The following ARHGEF18 variants were observed in gnomAD, a reference collection of about 807,000 sequenced individuals.
ARHGEF18 encodes Rho/Rac guanine nucleotide exchange factor 18.
Under a neutral mutation model 155.7 loss-of-function variants are expected in ARHGEF18, and 93 were observed. The ratio of observed to expected loss-of-function variants is 0.60; its 90% CI spans 0.50 to 0.71. The LOEUF is 0.71. ARHGEF18 is among the 30% of genes least tolerant of loss of function. ARHGEF18 has a pLI of 0.00. For missense variants in ARHGEF18, 1,593 were observed against 1,816.1 expected (o/e 0.88, Z 2.23); for synonymous variants, 742 against 753.1 (o/e 0.99, Z 0.24).
intron 2 of ARHGEF18, among the ~76,000 whole-genome samples, chr19:7,371,113 T>G (rs978530298): frequency 6.6e-6 from 1 of 152,090 alleles, no homozygotes; most frequent in Non-Finnish European, 1.5e-5. Flanking sequence ...GGTCTTGTTA[T>G]GTTGTCCAGG....
chr19:7,386,417 G>A (rs1971078105), intron 10 of ARHGEF18, among the ~76,000 whole-genome samples: 2 of 151,814 alleles, frequency 1.3e-5, no homozygotes, highest in African/African-American at 4.8e-5. Context: ...AGCGCCTCTA[G>A]CTATGATGAC....
chr19:7,350,768 GTGTGTGT>G, intron 1 of ARHGEF18, among the ~76,000 whole-genome samples: 1 of 2,952 alleles, frequency 3.4e-4, no homozygotes, highest in Non-Finnish European at 7.2e-4. Flanking sequence ...TTTGGGGTGG[GTGTGTGT>G]GTGTGTGTGT....
intron 17 of ARHGEF18, among the ~76,000 whole-genome samples, chr19:7,454,871 G>T (rs556152275): frequency 4.8e-4 from 73 of 152,166 alleles, no homozygotes; most frequent in Non-Finnish European, 8.4e-4. Context: ...CCTGCCATGG[G>T]CCCAGCCACT....
Position 7,394,960 on chromosome 19 carries a change from G to T in ARHGEF18, c.967+11757G>T, listed in dbSNP as rs971466791. Reference sequence around the variant, plus strand: ...AGCACCCTCCCACTTCGGTGCCCGCGCCCCTCTCAAGGCCGAGCCGACGCC... The same window carrying T: ...AGCACCCTCCCACTTCGGTGCCCGCTCCCCTCTCAAGGCCGAGCCGACGCC... On this transcript the variant is annotated intron_variant, in intron 10 of 28. Coordinates refer to ENST00000668164, the MANE Select transcript of ARHGEF18 (RefSeq NM_001367823.1). The T allele has an allele frequency of 5.2e-6, 4 of 769,012 alleles. No homozygotes were observed. In the African/African-American group the frequency reaches 7.6e-5, roughly 15 times the overall value. 47.6% of individuals were successfully genotyped at this position (769,012 alleles called of 1,614,324 possible).
At position 7,362,179 on chromosome 19, in the gene ARHGEF18, A is replaced by AAGG. The variant is rs1491450687; in HGVS notation, c.-110-600_-110-599insGAG. Among the ~76,000 whole-genome samples, 9 of 116,386 alleles carry AAGG rather than the reference A, an allele frequency of 7.7e-5. 2 individuals carry two copies. The highest frequency in any genetic ancestry group is 5.7e-4 in the African/African-American group (9 of 15,676). The allele number at this position is 116,386 out of a possible 152,430, so 76.4% of individuals were successfully genotyped here. A position where few individuals can be genotyped will look rare whatever the true frequency, so the allele number is the denominator to read the frequency against. On this transcript the variant is annotated intron_variant, in intron 1 of 28. Coordinates refer to ENST00000668164, the MANE Select transcript of ARHGEF18 (RefSeq NM_001367823.1). Reference sequence around the variant, plus strand: ...GGAGGAGAAGAAGGAGAAGAAGGAGAAGAAGGAGAAGAAGGAGAAGAAGAA... The same window carrying AAGG: ...GGAGGAGAAGAAGGAGAAGAAGGAGAAGGAGAAGGAGAAGAAGGAGAAGAAGAA...
chr19:7,369,331 CAT>C (rs1258120729), intron 2 of ARHGEF18, among the ~76,000 whole-genome samples: 2 of 151,992 alleles, frequency 1.3e-5, no homozygotes, highest in Non-Finnish European at 2.9e-5. Flanking sequence ...CGTGGTGGCA[CAT>C]GCCTGTAATC....
In ARHGEF18 at chr19:7,375,784, G is replaced by A. The variant is rs1025281; in HGVS notation, c.340G>A (p.Ala114Thr). 0.033 allele frequency: 40,912 copies of A among 1,234,462 alleles called. 6,485 individuals carry two copies. The African/African-American group carries it at 0.4, about 12-fold the overall frequency. The allele number at this position is 1,234,462 out of a possible 1,614,324, so 76.5% of individuals were successfully genotyped here. A position where few individuals can be genotyped will look rare whatever the true frequency, so the allele number is the denominator to read the frequency against. The change falls in exon 4 of 29, where the codon GCT becomes ACT. Residue 114 changes from alanine to threonine, a missense_variant. Coordinates refer to ENST00000668164, the MANE Select transcript of ARHGEF18 (RefSeq NM_001367823.1). ...TCTCCCCCGAACACTGGCCAGCCTT[G>A]CTTTGAACCTGCCAGGAGGAGGGCT... is the stretch of plus-strand genomic sequence containing the variant. ...PCLPRTLASL[A>T]LNLPGGGLKT...
downstream of ARHGEF18, chr19:7,477,449 G>C (rs115751177): frequency 3.5e-6 from 5 of 1,420,536 alleles, no homozygotes; most frequent in East Asian, 1.4e-4. Context: ...GTGGGGCAGA[G>C]AGGGGCCGCT....
intron 10 of ARHGEF18, among the ~76,000 whole-genome samples, chr19:7,405,274 T>C (rs1972245135): frequency 6.6e-6 from 1 of 152,156 alleles, no homozygotes; most frequent in South Asian, 2.1e-4. Context: ...TTCCAACTTC[T>C]AAAAGGTGGC....
intron 23 of ARHGEF18, among the ~76,000 whole-genome samples, chr19:7,466,171 G>A (rs1427873760): frequency 6.6e-6 from 1 of 151,984 alleles, no homozygotes; most frequent in African/African-American, 2.4e-5. Context: ...ATCACCTGAG[G>A]TCAGGAATTC....
In ARHGEF18 at chr19:7,444,065, A is replaced by T; in HGVS notation, c.1361-139A>T. 1 of 1,125,380 alleles carries T rather than the reference A, an allele frequency of 8.9e-7. No individual in the cohort carries two copies. Among genetic ancestry groups the T allele is most frequent in the Non-Finnish European group, 1.3e-6 (1 of 798,218 alleles). The allele number at this position is 1,125,380 out of a possible 1,614,324, so 69.7% of individuals were successfully genotyped here. A position where few individuals can be genotyped will look rare whatever the true frequency, so the allele number is the denominator to read the frequency against. On this transcript the variant is annotated intron_variant, in intron 13 of 28. Coordinates refer to ENST00000668164, the MANE Select transcript of ARHGEF18 (RefSeq NM_001367823.1). The surrounding 1 kb of genome is among the most constrained non-coding windows in gnomAD (Gnocchi z 4.7). ...AAACCCTGGACACCCTGGAAGTAAG[A>T]AAGATCCCAAAGGCACAAGGTCTTA...
intron 10 of ARHGEF18, among the ~76,000 whole-genome samples, chr19:7,434,735 T>A (rs1445102092): frequency 2.6e-5 from 4 of 152,214 alleles, no homozygotes; most frequent in Admixed American, 1.3e-4. Flanking sequence ...GCAAATCAGA[T>A]GTTTTGCTCT....
rs1282592558 is a variant in ARHGEF18 at position 7,375,825 on chromosome 19, A to C, written c.381A>C (p.Gln127His). The C allele has an allele frequency of 9.7e-6, 12 of 1,234,352 alleles. No homozygotes were observed. The highest frequency in any genetic ancestry group is 1.2e-5 in the Non-Finnish European group (12 of 988,262). 76.5% of individuals were successfully genotyped at this position (1,234,352 alleles called of 1,614,324 possible). Reference sequence around the variant, plus strand: ...GAGGAGGGCTGAAGACCTGGACTCAAGGGTGTCTCTCTGGGGGCGGGACCC... The same window carrying C: ...GAGGAGGGCTGAAGACCTGGACTCACGGGTGTCTCTCTGGGGGCGGGACCC... The part of the protein sequence containing the change: ...LPGGGLKTWT[Q>H]GCLSGGGTPA... The change falls in exon 4 of 29, where the codon CAA becomes CAC. Residue 127 changes from glutamine (Q) to histidine (H), a missense_variant. Coordinates refer to ENST00000668164, the MANE Select transcript of ARHGEF18 (RefSeq NM_001367823.1).
the ARHGEF18 span, among the ~76,000 whole-genome samples, chr19:7,479,345 G>T: frequency 1.3e-5 from 2 of 152,178 alleles, no homozygotes; most frequent in African/African-American, 4.8e-5. Flanking sequence ...TTAGCTGGGG[G>T]TGGTGGTGGG....
rs1371010946 is a variant in ARHGEF18 at position 7,441,648 on chromosome 19, C to T, written c.1107-5C>T. The T allele has an allele frequency of 1.2e-6, 2 of 1,612,852 alleles. No individual in the cohort carries two copies. The highest frequency in any genetic ancestry group is 8.5e-7 in the Non-Finnish European group (1 of 1,178,870). On this transcript the variant is annotated splice_region_variant and splice_polypyrimidine_tract_variant and intron_variant, in intron 11 of 28. Coordinates refer to ENST00000668164, the MANE Select transcript of ARHGEF18 (RefSeq NM_001367823.1). ...AAAACAATTGTTTTTATTGTTTGCA[C>T]TCAGACCAATCACAGGAGAGATGGA... is the stretch of plus-strand genomic sequence containing the variant.
Position 7,395,058 on chromosome 19 carries a change from C to T in ARHGEF18, c.967+11855C>T. On this transcript the variant is annotated intron_variant, in intron 10 of 28. Transcript: ENST00000668164. The surrounding 1 kb of genome is among the most constrained non-coding windows in gnomAD (Gnocchi z 5.0). Reference sequence around the variant, plus strand: ...CCCGCCCTCGAGGGCACGCCTCCTTCCGGGTCACGCCCTCTGCCCCGCCTC... The same window carrying T: ...CCCGCCCTCGAGGGCACGCCTCCTTTCGGGTCACGCCCTCTGCCCCGCCTC... The T allele has an allele frequency of 1.0e-6, 1 of 985,448 alleles. No individual in the cohort carries two copies. Among genetic ancestry groups the T allele is most frequent in the East Asian group, 1.1e-4 (1 of 8,802 alleles). 61.0% of individuals were successfully genotyped at this position (985,448 alleles called of 1,614,324 possible). A position where few individuals can be genotyped will look rare whatever the true frequency, so the allele number is the denominator to read the frequency against.
Position 7,426,889 on chromosome 19 carries a change from G to A in ARHGEF18, c.968-13455G>A, listed in dbSNP as rs143425311. On this transcript the variant is annotated intron_variant, in intron 10 of 28. Transcript: ENST00000668164. Reference sequence around the variant, plus strand: ...CTCACTGTGGACTCTTGAGTTCTTAGTTATGCTGTCAAATATTCTAAAATC... The same window carrying A: ...CTCACTGTGGACTCTTGAGTTCTTAATTATGCTGTCAAATATTCTAAAATC... Among the ~76,000 whole-genome samples the A allele has an allele frequency of 4.1e-4, 63 of 152,304 alleles. 1 individual carries two copies. In the East Asian group the frequency reaches 6.6e-3, roughly 16 times the overall value.
At chr19:7,446,014 G>A (rs1013666210) in intron 14 of ARHGEF18, among the ~76,000 whole-genome samples, 6 of 152,102 alleles carry the variant, frequency 3.9e-5, no homozygotes, top group African/African-American at 4.8e-5. Flanking sequence ...GCAAAGCCCC[G>A]AAGCAGAAGG....
Position 7,380,944 on chromosome 19 carries a change from C to T in ARHGEF18, c.672C>T (p.Ala224=). 8.1e-7 allele frequency: 1 copy of T among 1,231,908 alleles called. No individual in the cohort carries two copies. The highest frequency in any genetic ancestry group is 1.0e-6 in the Non-Finnish European group (1 of 987,922). The allele number at this position is 1,231,908 out of a possible 1,614,324, so 76.3% of individuals were successfully genotyped here. ...CCCGGCAGAGGGCTTGCATGTCAGC[C>T]AGCCCCGGAGGAGCCCACTCGAACC... ...HGARQRACMS[A]SPGGAHSNLT... is the part of the protein sequence containing the mutation. The change falls in exon 8 of 29, where the codon GCC becomes GCT. Residue 224 remains alanine, a synonymous_variant. Transcript: ENST00000668164.
Sources: allele counts gnomAD v4.1 joint callset (sites outside exome capture counted in the v4.1 genomes callset), GRCh38; gene constraint gnomAD v4.1.1; non-coding constraint Gnocchi (gnomAD v3.1); transcripts MANE v1.5; gene names NCBI Gene and HGNC (gene_info 2026-07-23, HGNC 2026-07-21).